The following STK32C variants were observed in gnomAD, a reference collection of about 807,000 sequenced individuals.
STK32C encodes the protein serine/threonine kinase 32C, also known as serine/threonine-protein kinase 32C.
In STK32C, 31 loss-of-function variants were observed where a neutral mutation model predicts 56.5. That is an observed-to-expected ratio of 0.55 (90% CI 0.41 to 0.74). The LOEUF (loss-of-function observed/expected upper bound fraction) is 0.74, where lower values mean the gene tolerates loss of function less well. STK32C is among the 30% of genes least tolerant of loss of function. The probability of loss-of-function intolerance (pLI) is 0.00; values close to 1 mark genes in which losing one functional copy is unlikely to be tolerated. For missense variants in STK32C, 544 were observed against 676.9 expected (o/e 0.80, Z 2.18); for synonymous variants, 309 against 289.4 (o/e 1.07, Z -0.69).
intron 1 of STK32C, among the ~76,000 whole-genome samples, chr10:132,257,572 T>C (rs1211154617): frequency 6.6e-6 from 1 of 152,062 alleles, no homozygotes; most frequent in Admixed American, 6.5e-5. Flanking sequence ...CTGCCTGTTC[T>C]GGCACAGAAA....
intron 1 of STK32C, among the ~76,000 whole-genome samples, chr10:132,279,288 G>A (rs775489552): frequency 5.9e-5 from 9 of 152,136 alleles, no homozygotes; most frequent in Admixed American, 3.3e-4. Flanking sequence ...ACCATGTTAC[G>A]GCCATAACAC....
At chr10:132,257,889 C>T (rs1289945458) in intron 1 of STK32C, among the ~76,000 whole-genome samples, 1 of 152,158 alleles carries the variant, frequency 6.6e-6, no homozygotes, top group Non-Finnish European at 1.5e-5. Context: ...CTGCCTGAGG[C>T]CCAAAGGAGG....
chr10:132,253,764 G>A (rs989653485), intron 1 of STK32C, among the ~76,000 whole-genome samples: 4 of 152,206 alleles, frequency 2.6e-5, no homozygotes, highest in Admixed American at 2.6e-4. Flanking sequence ...TGGCCAAGAC[G>A]TCACCTCTGG....
At chr10:132,328,030 C>G (rs947832021) in intron 1 of STK32C, among the ~76,000 whole-genome samples, 80 of 152,184 alleles carry the variant, frequency 5.3e-4, no homozygotes, top group African/African-American at 1.9e-3. Context: ...GCCTCTGTAA[C>G]TGCCCTATGG....
At chr10:132,308,441 C>T (rs1330032686), upstream of STK32C, among the ~76,000 whole-genome samples, 1 of 152,176 alleles carries the variant, frequency 6.6e-6, no homozygotes, top group South Asian at 2.1e-4. Context: ...GAGCCCTAAA[C>T]TCCAGCCTTC....
intron 1 of STK32C, among the ~76,000 whole-genome samples, chr10:132,301,167 G>A (rs2065900721): frequency 6.6e-6 from 1 of 151,898 alleles, no homozygotes; most frequent in African/African-American, 2.4e-5. Context: ...ATTAATATGA[G>A]CCCAGAATCA....
chr10:132,244,929 C>T (rs550919610), intron 2 of STK32C, among the ~76,000 whole-genome samples: 6 of 152,164 alleles, frequency 3.9e-5, no homozygotes, highest in Non-Finnish European at 7.3e-5. Context: ...GGTCCACGGG[C>T]GCCTCCCAAC....
chr10:132,267,379 ATG>A (rs752261373), intron 1 of STK32C, among the ~76,000 whole-genome samples: 17 of 152,210 alleles, frequency 1.1e-4, no homozygotes, highest in Non-Finnish European at 2.1e-4. Flanking sequence ...GTGAATGTGC[ATG>A]TGTGTCTGTA....
intron 1 of STK32C, among the ~76,000 whole-genome samples, chr10:132,298,824 C>T (rs1398784132): frequency 1.3e-5 from 2 of 152,154 alleles, no homozygotes; most frequent in Non-Finnish European, 2.9e-5. Flanking sequence ...GCTCCAGTCC[C>T]AGTCAAACCT....
chr10:132,240,618 GT>G (rs2063467491), intron 2 of STK32C, among the ~76,000 whole-genome samples: 2 of 152,194 alleles, frequency 1.3e-5, no homozygotes, highest in African/African-American at 4.8e-5. Context: ...GGTGGGGGCT[GT>G]GGTGAAGGCC....
chr10:132,239,000 G>T (rs1412082094), intron 2 of STK32C, among the ~76,000 whole-genome samples: 2 of 152,162 alleles, frequency 1.3e-5, no homozygotes, highest in Non-Finnish European at 2.9e-5. Flanking sequence ...CCTCGCCCTG[G>T]GCCAGGCTGG....
At chr10:132,225,923 T>G (rs1396202344) in intron 4 of STK32C, 139 bp from the exon 5 acceptor site, 2 of 1,134,482 alleles carry the variant, frequency 1.8e-6, no homozygotes, top group African/African-American at 3.0e-5. Context: ...GACTTGGTCC[T>G]TGGATGATGC....
At chr10:132,325,292 C>T (rs1190721288) in intron 1 of STK32C, among the ~76,000 whole-genome samples, 1 of 152,060 alleles carries the variant, frequency 6.6e-6, no homozygotes, top group African/African-American at 2.4e-5. Context: ...GTGGCTCACA[C>T]CTGTAATCCC....
chr10:132,248,252 G>A (rs768499516), intron 1 of STK32C, among the ~76,000 whole-genome samples: 2 of 152,208 alleles, frequency 1.3e-5, no homozygotes, highest in Non-Finnish European at 2.9e-5. Flanking sequence ...TGGGACAGAT[G>A]GGCTGAACTA....
intron 10 of STK32C, chr10:132,209,399 C>T: frequency 1.6e-6 from 1 of 629,908 alleles, no homozygotes; most frequent in Non-Finnish European, 3.0e-6. Flanking sequence ...CTCTGCGGGA[C>T]TTTGCTGGAA....
rs572732220 is a variant in STK32C, at chr10:132,251,325, G to A, written c.263-5370C>T. ...AGAGGGAGCAGAGGGACGGGTCTGC[G>A]TGGTGGTGCCATGGGCAGCCCTGGT... is the stretch of plus-strand genomic sequence containing the variant. On this transcript the variant is annotated intron_variant, in intron 1 of 11. Coordinates refer to ENST00000298630, the MANE Select transcript of STK32C (RefSeq NM_173575.4). 6.9e-4 allele frequency among the ~76,000 whole-genome samples: 105 copies of A among 152,350 alleles called. 1 individual carries two copies. The highest frequency in any genetic ancestry group is 2.4e-3 in the African/African-American group (100 of 41,588).
rs566385415 is a variant in STK32C, at chr10:132,230,343, C to T, written c.319-2215G>A. Among the ~76,000 whole-genome samples the T allele has an allele frequency of 2.9e-3, 435 of 152,362 alleles. 4 individuals carry two copies. Among genetic ancestry groups the T allele is most frequent in the African/African-American group, 9.9e-3 (410 of 41,592 alleles). ...GGCAGAGTCGCGTGGCTCGGCAGCA[C>T]GGCCTTCCTCCCATGCACACGGCCG... On this transcript the variant is annotated intron_variant, in intron 2 of 11. Coordinates refer to ENST00000298630, the MANE Select transcript of STK32C (RefSeq NM_173575.4).
At chr10:132,224,866 T>A (rs1313240976) in intron 7 of STK32C, among the ~76,000 whole-genome samples, 2 of 152,186 alleles carry the variant, frequency 1.3e-5, no homozygotes, top group East Asian at 3.9e-4. Flanking sequence ...ACCCCCAGCC[T>A]CCCGGTCTCC....
chr10:132,304,955 G>GCC (rs907383412), intron 1 of STK32C, among the ~76,000 whole-genome samples: 2 of 152,120 alleles, frequency 1.3e-5, no homozygotes, highest in African/African-American at 4.8e-5. Context: ...ACGGGCGAGC[G>GCC]CCCCCCAGGT....
Sources: gnomAD v4.1 joint callset for allele counts (sites outside exome capture counted in the v4.1 genomes callset) on GRCh38, gnomAD v4.1.1 for gene constraint, MANE v1.5 for transcripts, NCBI Gene and HGNC (gene_info 2026-07-23, HGNC 2026-07-21) for gene names.